CPQ: variants seen among roughly 807,000 people sequenced by gnomAD.
CPQ encodes Ser-Met dipeptidase.
In CPQ, 37 loss-of-function variants were observed where a neutral mutation model predicts 45.7. The observed-to-expected ratio is 0.81, with a 90% CI of 0.62 to 1.07. CPQ has a LOEUF of 1.07. Among genes scored for constraint, CPQ ranks in the 50% least tolerant of loss-of-function variants. The probability of loss-of-function intolerance (pLI) is 0.00; values close to 1 mark genes in which losing one functional copy is unlikely to be tolerated. For synonymous variants in CPQ, 186 were observed against 205.8 expected, an observed-to-expected ratio of 0.90 and a Z score of 0.82; for missense variants, 537 against 572.9, an observed-to-expected ratio of 0.94 and a Z score of 0.64.
intron 6 of CPQ, chr8:97,056,631 T>G (rs1810459402): frequency 6.6e-6 from 1 of 152,216 alleles, no homozygotes; most frequent in Non-Finnish European, 1.5e-5. Flanking sequence ...AACCAATGTT[T>G]GAGAGTGAGA....
At chr8:96,880,806 A>C (rs1456659462) in intron 4 of CPQ, among the ~76,000 whole-genome samples, 4 of 152,008 alleles carry the variant, frequency 2.6e-5, no homozygotes, top group Non-Finnish European at 5.9e-5. Flanking sequence ...GCAAGGTTTA[A>C]AAAAACTACC....
chr8:96,794,398 C>T lies in CPQ; in HGVS notation c.433+9068C>T, dbSNP rs371045288. On this transcript the variant is annotated intron_variant, in intron 2 of 7. Transcript: ENST00000220763. ...TCAGCCACAACTAGAGCGACTGGAA[C>T]GCAGGTCACCAATTCCCTAGATGGC... Among the ~76,000 whole-genome samples the T allele has an allele frequency of 1.2e-4, 19 of 152,276 alleles. 1 individual carries two copies. The South Asian group carries it at 2.5e-3, about 20-fold the overall frequency.
At chr8:96,820,843 T>C (rs1397836914) in intron 2 of CPQ, among the ~76,000 whole-genome samples, 1 of 152,072 alleles carries the variant, frequency 6.6e-6, no homozygotes, top group Admixed American at 6.6e-5. Context: ...GTAGAATTAC[T>C]GGATCATATG....
chr8:96,893,466 A>G (rs949807227), intron 4 of CPQ, among the ~76,000 whole-genome samples: 6 of 152,248 alleles, frequency 3.9e-5, no homozygotes, highest in Non-Finnish European at 2.9e-5. Flanking sequence ...CAGGGCCTGC[A>G]GCACTGTGTC....
At chr8:96,846,402 C>T (rs1304370801) in intron 3 of CPQ, among the ~76,000 whole-genome samples, 1 of 152,096 alleles carries the variant, frequency 6.6e-6, no homozygotes, top group Non-Finnish European at 1.5e-5. Context: ...ATATGTTTTG[C>T]AAATATTTTC....
At position 97,037,679 on chromosome 8, in the gene CPQ, T is replaced by C. The variant is rs147742864; in HGVS notation, c.1053+8185T>C. Among the ~76,000 whole-genome samples the C allele has an allele frequency of 2.7e-3, 404 of 152,344 alleles. 1 individual carries two copies. Among genetic ancestry groups the C allele is most frequent in the Non-Finnish European group, 4.2e-3 (285 of 68,030 alleles). ...ACCTGGGAGCTCTTAAGGGTCTTAT[T>C]AGAATTTGTGGATTTTATTTTTGTA... On this transcript the variant is annotated intron_variant, in intron 6 of 7. Transcript: ENST00000220763.
At chr8:96,664,737 A>G (rs1808897813) in intron 1 of CPQ, among the ~76,000 whole-genome samples, 2 of 152,232 alleles carry the variant, frequency 1.3e-5, no homozygotes, top group South Asian at 4.1e-4. Context: ...CCACCAAGTA[A>G]AGTTGTGAGC....
At chr8:96,845,857 G>A (rs1328722848) in intron 3 of CPQ, among the ~76,000 whole-genome samples, 1 of 152,226 alleles carries the variant, frequency 6.6e-6, no homozygotes, top group South Asian at 2.1e-4. Flanking sequence ...TTTCACTCTT[G>A]TTGCCTAGGC....
intron 7 of CPQ, among the ~76,000 whole-genome samples, chr8:97,105,681 A>G (rs1263774498): frequency 6.6e-6 from 1 of 152,204 alleles, no homozygotes; most frequent in East Asian, 1.9e-4. Flanking sequence ...GTACCTTAGT[A>G]TATCTAAAAG....
chr8:97,044,933 G>C (rs189725254), intron 6 of CPQ, among the ~76,000 whole-genome samples: 2,896 of 152,294 alleles, frequency 0.019, 96 homozygotes, highest in African/African-American at 0.066. Flanking sequence ...GGGGGGTCAG[G>C]GGTCAGGGAC....
intron 7 of CPQ, among the ~76,000 whole-genome samples, chr8:97,066,916 CTTTTTTTTTTTTTTTT>C (rs752150876): frequency 1.1e-3 from 65 of 60,400 alleles, no homozygotes; most frequent in African/African-American, 3.3e-3. Context: ...CTGGAACAGT[CTTTTTTTTTTTTTTTT>C]TTTTTTTTTT....
intron 7 of CPQ, among the ~76,000 whole-genome samples, chr8:97,130,324 T>C (rs1397274112): frequency 2.0e-5 from 3 of 152,132 alleles, no homozygotes; most frequent in Non-Finnish European, 4.4e-5. Flanking sequence ...ATCGTTTACC[T>C]TGCCCCGTAA....
At chr8:96,681,311 C>A (rs1157065278) in intron 1 of CPQ, among the ~76,000 whole-genome samples, 1 of 152,184 alleles carries the variant, frequency 6.6e-6, no homozygotes, top group Non-Finnish European at 1.5e-5. Flanking sequence ...TCCCTCTGCT[C>A]TGTGCAGCCT....
chr8:97,062,379 G>A (rs1050433882), intron 6 of CPQ, among the ~76,000 whole-genome samples: 5 of 152,070 alleles, frequency 3.3e-5, no homozygotes, highest in African/African-American at 9.7e-5. Context: ...GCTGAATCAG[G>A]AATACAACAG....
chr8:97,013,316 T>A (rs1322762038), intron 5 of CPQ, among the ~76,000 whole-genome samples: 5 of 151,990 alleles, frequency 3.3e-5, no homozygotes, highest in East Asian at 1.9e-4. Flanking sequence ...AATAATAATA[T>A]TAATGATTTA....
chr8:96,717,196 A>G (rs1345420740), intron 1 of CPQ, among the ~76,000 whole-genome samples: 2 of 150,834 alleles, frequency 1.3e-5, no homozygotes, highest in Non-Finnish European at 3.0e-5. Flanking sequence ...ATGTGTGTGC[A>G]TGTATCTTTT....
chr8:96,681,322 A>C (rs542173181), intron 1 of CPQ, among the ~76,000 whole-genome samples: 15 of 152,250 alleles, frequency 9.9e-5, no homozygotes, highest in Admixed American at 8.5e-4. Context: ...TGTGCAGCCT[A>C]GGGACTTGGT....
chr8:96,999,047 C>G (rs920699494), intron 5 of CPQ, among the ~76,000 whole-genome samples: 1 of 151,872 alleles, frequency 6.6e-6, no homozygotes, highest in African/African-American at 2.4e-5. Flanking sequence ...CACAATGTCC[C>G]CATGAGGCTG....
chr8:96,809,437 G>A (rs1020194603), intron 2 of CPQ, among the ~76,000 whole-genome samples: 1 of 152,154 alleles, frequency 6.6e-6, no homozygotes, highest in African/African-American at 2.4e-5. Context: ...GATGGACACA[G>A]TAATGTAGAC....
Sources: allele counts gnomAD v4.1 joint callset (sites outside exome capture counted in the v4.1 genomes callset), GRCh38; gene constraint gnomAD v4.1.1; transcripts MANE v1.5; gene names NCBI Gene and HGNC (gene_info 2026-07-23, HGNC 2026-07-21).